Variants in IRAG2 observed in about 807,000 individuals in gnomAD.
IRAG2 encodes the protein inositol 1,4,5-triphosphate receptor associated 2.
IRAG2 carries 45 observed loss-of-function variants against 69.9 expected under a neutral mutation model. That is an observed-to-expected ratio of 0.64 (90% CI 0.51 to 0.83). The LOEUF (loss-of-function observed/expected upper bound fraction) is 0.83. IRAG2 is among the 40% of genes least tolerant of loss of function. The pLI is 0.00. For missense variants in IRAG2, 520 were observed against 587.0 expected (o/e 0.89, Z 1.18); for synonymous variants, 193 against 202.4 (o/e 0.95, Z 0.40).
chr12:25,013,942 T>A (rs1591924251), intron 3 of IRAG2, among the ~76,000 whole-genome samples: 1 of 134,400 alleles, frequency 7.4e-6, no homozygotes, highest in African/African-American at 2.7e-5. Context: ...TGGCGCAATC[T>A]CGGCTCACTG....
chr12:25,051,646 A>G (rs1394079989), upstream of IRAG2, among the ~76,000 whole-genome samples: 9 of 152,156 alleles, frequency 5.9e-5, no homozygotes, highest in Admixed American at 5.9e-4. Flanking sequence ...GGTGATGGGG[A>G]GAAAAGCTTC....
At chr12:25,085,342 TGGTATGGAATGGGAAGGG>T (rs961371861) in intron 10 of IRAG2, among the ~76,000 whole-genome samples, 91 of 116,368 alleles carry the variant, frequency 7.8e-4, no homozygotes, top group Admixed American at 1.2e-3. Context: ...AGTGGGAAGG[TGGTATGGAATGGGAAGGG>T]GGTATTCCCC....
rs374102264 is a variant in IRAG2 at position 25,101,180 on chromosome 12, A to G, written c.744A>G (p.Glu248=). The change falls in exon 16 of 22, where the codon GAA becomes GAG. Residue 248 remains glutamate (E), a splice_region_variant and synonymous_variant. Transcript: ENST00000556887. ...RAEMLGAINQ[E]SRVSKAVEVM... ...GTGCTCGTTTTTTCTCTTGCTAGGAAAGCCGGGTTAGTAAAGCAGTTGAAG... is the reference window on the plus strand; with the variant it reads ...GTGCTCGTTTTTTCTCTTGCTAGGAGAGCCGGGTTAGTAAAGCAGTTGAAG... 8 of 1,593,846 alleles carry G rather than the reference A, an allele frequency of 5.0e-6. No homozygotes were observed. The highest frequency in any genetic ancestry group is 6.8e-6 in the Non-Finnish European group (8 of 1,170,078).
At chr12:25,056,365 T>C (rs1032952766) in intron 1 of IRAG2, among the ~76,000 whole-genome samples, 10 of 152,132 alleles carry the variant, frequency 6.6e-5, no homozygotes, top group Non-Finnish European at 1.2e-4. Context: ...TCTGATAGGA[T>C]AGGGACCCAA....
At chr12:25,097,133 A>G in intron 15 of IRAG2, 89 bp downstream of exon 15, 1 of 1,331,508 alleles carries the variant, frequency 7.5e-7, no homozygotes, top group Non-Finnish European at 1.0e-6. Context: ...TCTAGGAATA[A>G]GTTTTAAAAA....
intron 21 of IRAG2, 96 bp from the exon 22 acceptor site, chr12:25,107,716 GGGGTA>G (rs1263069283): frequency 1.3e-5 from 15 of 1,121,536 alleles, no homozygotes; most frequent in Middle Eastern, 2.2e-4. Flanking sequence ...GGCAGTTTTG[GGGGTA>G]TGAAGGGCAG....
intron 6 of IRAG2, among the ~76,000 whole-genome samples, chr12:25,077,844 C>T (rs940538111): frequency 2.0e-5 from 3 of 152,150 alleles, no homozygotes; most frequent in African/African-American, 7.2e-5. Flanking sequence ...AGTTGACCAA[C>T]ATCATTGATG....
chr12:25,085,706 C>T (rs1371369791), intron 10 of IRAG2, among the ~76,000 whole-genome samples: 1 of 152,182 alleles, frequency 6.6e-6, no homozygotes, highest in African/African-American at 2.4e-5. Context: ...CTGGGGACCC[C>T]GCCTTTCTCT....
rs1180098788 is a variant in IRAG2, at chr12:25,103,906, C to A, written c.996+7C>A. 1.2e-6 allele frequency: 2 copies of A among 1,611,702 alleles called. No homozygotes were observed. Among genetic ancestry groups the A allele is most frequent in the Admixed American group, 3.3e-5 (2 of 59,996 alleles). ...TATTGGAAATGCAGGAATGGTAAGA[C>A]AATTCCTAAGTGTTCTTAGTCAAAG... On this transcript the variant is annotated splice_region_variant and intron_variant, in intron 18 of 21. Transcript: ENST00000556887.
intron 14 of IRAG2, chr12:25,093,836 A>T (rs1440543820): frequency 1.3e-5 from 2 of 153,588 alleles, no homozygotes. Flanking sequence ...TATTCTTCAT[A>T]AAATGTTCTT....
At chr12:25,096,106 C>T (rs540558891) in intron 14 of IRAG2, among the ~76,000 whole-genome samples, 16 of 147,466 alleles carry the variant, frequency 1.1e-4, no homozygotes, top group African/African-American at 3.2e-4. Flanking sequence ...GGAGAGGATA[C>T]GTGATTGTCC....
chr12:25,049,432 T>G (rs1818041694), upstream of IRAG2, among the ~76,000 whole-genome samples: 1 of 152,244 alleles, frequency 6.6e-6, no homozygotes, highest in African/African-American at 2.4e-5. Flanking sequence ...AGCAGTGGTT[T>G]GTAGTTCTCC....
intron 1 of IRAG2, among the ~76,000 whole-genome samples, chr12:25,057,169 T>G (rs533543747): frequency 6.6e-6 from 1 of 151,684 alleles, no homozygotes; most frequent in East Asian, 1.9e-4. Context: ...TTAGTACTAA[T>G]AATAAGTGTG....
At chr12:25,001,809 A>C (rs1353049685), upstream of IRAG2, among the ~76,000 whole-genome samples, 11 of 144,530 alleles carry the variant, frequency 7.6e-5, no homozygotes, top group Non-Finnish European at 1.5e-5. Context: ...TCGCTCTGTC[A>C]CCCAGGCTGG....
upstream of IRAG2, among the ~76,000 whole-genome samples, chr12:25,050,421 C>A (rs529059933): frequency 1.2e-4 from 18 of 151,592 alleles, no homozygotes; most frequent in African/African-American, 4.4e-4. Context: ...CCCAGCTACC[C>A]GGGAGGCTGA....
intron 11 of IRAG2, among the ~76,000 whole-genome samples, chr12:25,088,936 T>C (rs959819151): frequency 7.2e-5 from 9 of 124,348 alleles, no homozygotes; most frequent in Non-Finnish European, 1.2e-4. Flanking sequence ...TCTTAGATGA[T>C]AAGATATCTT....
At chr12:25,039,029 T>A (rs1944726219) in intron 16 of IRAG2, among the ~76,000 whole-genome samples, 1 of 152,242 alleles carries the variant, frequency 6.6e-6, no homozygotes, top group South Asian at 2.1e-4. Flanking sequence ...GGGGAAATTC[T>A]TGAAATTTTT....
At position 25,064,110 on chromosome 12, in the gene IRAG2, G is replaced by A. The variant is rs907392329; in HGVS notation, c.-207+294G>A. Among the ~76,000 whole-genome samples the A allele has an allele frequency of 4.6e-5, 7 of 152,132 alleles. 1 individual carries two copies. Among genetic ancestry groups the A allele is most frequent in the South Asian group, 4.1e-4 (2 of 4,820 alleles). The stretch of plus-strand genomic sequence containing the variant: ...GAGCCCAGGAATTCGAGACCAGCCC[G>A]GGCAACATCTCTAAAACAAACAAAC... On this transcript the variant is annotated intron_variant, in intron 4 of 21. Transcript: ENST00000556887.
chr12:25,079,837 T>G, intron 9 of IRAG2, 74 bp downstream of exon 9: 1 of 832,490 alleles, frequency 1.2e-6, no homozygotes, highest in East Asian at 2.5e-5. Context: ...GTGAAGTAAC[T>G]ATCCACACTA....
Sources: gnomAD v4.1 joint callset for allele counts (sites outside exome capture counted in the v4.1 genomes callset) on GRCh38, gnomAD v4.1.1 for gene constraint, MANE v1.5 for transcripts, NCBI Gene and HGNC (gene_info 2026-07-23, HGNC 2026-07-21) for gene names.